The following BBS9 variants were observed in gnomAD, a reference collection of about 807,000 sequenced individuals.
BBS9 encodes protein PTHB1.
BBS9 carries 89 observed loss-of-function variants against 117.7 expected under a neutral mutation model. The ratio of observed to expected loss-of-function variants is 0.76; its 90% CI spans 0.64 to 0.90. The LOEUF (loss-of-function observed/expected upper bound fraction) is 0.90, where lower values mean the gene tolerates loss of function less well. BBS9 is among the 40% of genes least tolerant of loss of function. BBS9 has a pLI of 0.00. For missense variants in BBS9, 982 were observed against 1,042.2 expected, an observed-to-expected ratio of 0.94 and a Z score of 0.80; for synonymous variants, 379 against 370.9, an observed-to-expected ratio of 1.02 and a Z score of -0.25.
intron 19 of BBS9, among the ~76,000 whole-genome samples, chr7:33,480,497 G>A (rs1339757328): frequency 6.6e-6 from 1 of 152,124 alleles, no homozygotes; most frequent in African/African-American, 2.4e-5. Context: ...TCTGGGAGTA[G>A]ACATTATGGG....
intron 20 of BBS9, among the ~76,000 whole-genome samples, chr7:33,513,045 G>A (rs1847205257): frequency 6.6e-6 from 1 of 152,030 alleles, no homozygotes; most frequent in Admixed American, 6.6e-5. Context: ...TGTTCAGATT[G>A]AACTCCAGTG....
intron 7 of BBS9, among the ~76,000 whole-genome samples, chr7:33,272,324 C>A (rs1469888947): frequency 1.3e-5 from 2 of 152,102 alleles, no homozygotes; most frequent in African/African-American, 2.4e-5. Context: ...GTATAACAAA[C>A]CTTCCTATGT....
intron 9 of BBS9, among the ~76,000 whole-genome samples, chr7:33,293,425 G>T (rs1410644775): frequency 6.6e-6 from 1 of 151,942 alleles, no homozygotes; most frequent in Non-Finnish European, 1.5e-5. Flanking sequence ...TATGAGAGGA[G>T]ATAAATCAAC....
chr7:33,588,303 T>C (rs955009916), intron 21 of BBS9, among the ~76,000 whole-genome samples: 2 of 152,028 alleles, frequency 1.3e-5, no homozygotes, highest in African/African-American at 4.8e-5. Flanking sequence ...ACTGGGGGAG[T>C]AGAAAGAAGA....
At chr7:33,278,458 A>G (rs143183693) in intron 9 of BBS9, among the ~76,000 whole-genome samples, 2 of 152,314 alleles carry the variant, frequency 1.3e-5, no homozygotes, top group African/African-American at 4.8e-5. Flanking sequence ...ATTGTTAGAA[A>G]TACAGATTCA....
chr7:33,351,818 G>A lies in BBS9; in HGVS notation c.1537+495G>A, dbSNP rs118022457. 2.7e-4 allele frequency: 51 copies of A among 191,926 alleles called. No individual in the cohort carries two copies. In the East Asian group the frequency reaches 5.5e-3, roughly 21 times the overall value. The allele number at this position is 191,926 out of a possible 1,614,324, so 11.9% of individuals were successfully genotyped here. On this transcript the variant is annotated intron_variant, in intron 14 of 22. Coordinates refer to ENST00000242067, the MANE Select transcript of BBS9 (RefSeq NM_198428.3). ...GAGGCCAGGCTCCTCCCCTGCGTAA[G>A]GCACTTATTCCTTGTGGCCCCACCC...
At position 33,336,718 on chromosome 7, in the gene BBS9, C is replaced by T. The variant is rs1164735667; in HGVS notation, c.1198+96C>T. The T allele has an allele frequency of 1.6e-5, 14 of 875,390 alleles. No homozygotes were observed. The East Asian group carries it at 2.7e-4, about 17-fold the overall frequency. 54.2% of individuals were successfully genotyped at this position (875,390 alleles called of 1,614,324 possible). On this transcript the variant is annotated intron_variant, in intron 10 of 22. Transcript: ENST00000242067. ...TATTTTGTGTATTTGTTAATTTTCT[C>T]CTCTAGGCTTAATTAAAATCATATT...
intron 21 of BBS9, among the ~76,000 whole-genome samples, chr7:33,602,897 G>A (rs1864013261): frequency 6.6e-6 from 1 of 152,188 alleles, no homozygotes; most frequent in Non-Finnish European, 1.5e-5. Flanking sequence ...CTGTATGTGG[G>A]ATAGGGCAAA....
intron 21 of BBS9, among the ~76,000 whole-genome samples, chr7:33,615,360 G>A (rs919054304): frequency 1.3e-5 from 2 of 152,040 alleles, no homozygotes; most frequent in African/African-American, 2.4e-5. Context: ...CAAATAAACA[G>A]CATGCTAGAA....
intron 7 of BBS9, among the ~76,000 whole-genome samples, chr7:33,264,634 A>G (rs1157102920): frequency 3.3e-5 from 5 of 152,086 alleles, no homozygotes; most frequent in Non-Finnish European, 7.4e-5. Context: ...GTCACTTTTA[A>G]CAAATAAAAA....
At chr7:33,407,421 T>C (rs1257702925) in intron 19 of BBS9, among the ~76,000 whole-genome samples, 2 of 152,220 alleles carry the variant, frequency 1.3e-5, no homozygotes, top group African/African-American at 2.4e-5. Context: ...TCTGAAGCCT[T>C]CTTCTCTCAA....
chr7:33,276,832 C>T (rs145474247), intron 9 of BBS9: 5 of 153,676 alleles, frequency 3.3e-5, no homozygotes, highest in African/African-American at 4.8e-5. Context: ...GTGGGCTTCT[C>T]ACCTTTGCAA....
At chr7:33,254,111 G>A (rs1796648411) in intron 5 of BBS9, among the ~76,000 whole-genome samples, 1 of 152,150 alleles carries the variant, frequency 6.6e-6, no homozygotes, top group African/African-American at 2.4e-5. Context: ...AGCCCAGACA[G>A]ATGTTCTTTT....
chr7:33,340,893 A>G lies in BBS9; in HGVS notation c.1199-4A>G. ...TAAATAATTTTTCTTTTTTTAAATC[A>G]CAGGTGTTTGGCCCATGACTGAGAG... On this transcript the variant is annotated splice_region_variant and splice_polypyrimidine_tract_variant and intron_variant, in intron 10 of 22. Transcript: ENST00000242067. 9 of 1,611,832 alleles carry G rather than the reference A, an allele frequency of 5.6e-6. No individual in the cohort carries two copies. Among genetic ancestry groups the G allele is most frequent in the Non-Finnish European group, 7.6e-6 (9 of 1,178,712 alleles).
intron 9 of BBS9, among the ~76,000 whole-genome samples, chr7:33,311,167 AG>A (rs1196149307): frequency 1.3e-5 from 2 of 152,176 alleles, no homozygotes; most frequent in Non-Finnish European, 2.9e-5. Context: ...CAGGTGCCAA[AG>A]GGGCATGGAA....
At chr7:33,260,572 A>G (rs1797820710) in intron 6 of BBS9, among the ~76,000 whole-genome samples, 1 of 152,208 alleles carries the variant, frequency 6.6e-6, no homozygotes, top group Non-Finnish European at 1.5e-5. Context: ...TGACTGAATA[A>G]TTCAGTTTGT....
rs143119193 is a variant in BBS9 at position 33,273,148 on chromosome 7, T to C, written c.839T>C (p.Met280Thr). Residue 280 changes from methionine to threonine, a missense_variant, in exon 8 of 23, where the codon ATG becomes ACG. Transcript: ENST00000242067. ...CLKDNGQIRF[M>T]KKLDWSPSCF... is the part of the protein sequence containing the mutation. ...AAGGATAATGGACAAATTCGATTCA[T>C]GAAGAAGCTTGATTGGAGCCCAAGT... The C allele has an allele frequency of 2.5e-6, 4 of 1,613,660 alleles. No individual in the cohort carries two copies. In the Admixed American group the frequency reaches 5.0e-5, roughly 20 times the overall value.
At chr7:33,300,756 C>T (rs1051179398) in intron 9 of BBS9, among the ~76,000 whole-genome samples, 1 of 151,996 alleles carries the variant, frequency 6.6e-6, no homozygotes, top group African/African-American at 2.4e-5. Context: ...TAACCTTCCT[C>T]CTTAATGTTC....
intron 19 of BBS9, among the ~76,000 whole-genome samples, chr7:33,445,335 C>A (rs1836834189): frequency 6.6e-6 from 1 of 152,174 alleles, no homozygotes; most frequent in Non-Finnish European, 1.5e-5. Flanking sequence ...TTTGAGTGCT[C>A]TGCTCATAAT....
Sources: gnomAD v4.1 joint callset for allele counts (sites outside exome capture counted in the v4.1 genomes callset) on GRCh38, gnomAD v4.1.1 for gene constraint, MANE v1.5 for transcripts, NCBI Gene and HGNC (gene_info 2026-07-23, HGNC 2026-07-21) for gene names.